Variants in AKAP9 observed in about 807,000 individuals in gnomAD.
AKAP9 encodes the protein A-kinase anchoring protein 9, also known as A-kinase anchor protein 9.
In AKAP9, 311 loss-of-function variants were observed where a neutral mutation model predicts 488.5. The ratio of observed to expected loss-of-function variants is 0.64; its 90% CI spans 0.58 to 0.70. The LOEUF (loss-of-function observed/expected upper bound fraction) is 0.70, where lower values mean the gene tolerates loss of function less well. Ranked by LOEUF, AKAP9 falls within the 30% of genes least tolerant of loss-of-function variation. The pLI is 0.00. For missense variants in AKAP9, 4,215 were observed against 4,374.5 expected (o/e 0.96, Z 1.03); for synonymous variants, 1,462 against 1,483.5 (o/e 0.99, Z 0.33).
Position 92,086,427 on chromosome 7 carries a change from AC to A in AKAP9, c.9213+12del. ...AGAATACAAGAACAGGTATAATGAA[AC>A]TTCATTTTAAAAACACTTTAATAGA... is the stretch of plus-strand genomic sequence containing the variant. On this transcript the variant is annotated intron_variant, in intron 37 of 49. Transcript: ENST00000356239. 1 of 1,601,184 alleles carries A rather than the reference AC, an allele frequency of 6.2e-7. No individual in the cohort carries two copies. The highest frequency in any genetic ancestry group is 8.6e-7 in the Non-Finnish European group (1 of 1,168,412).
At chr7:92,040,571 G>A in intron 17 of AKAP9, 103 bp from the exon 18 acceptor site, 1 of 781,716 alleles carries the variant, frequency 1.3e-6, no homozygotes, top group Admixed American at 2.6e-5. Context: ...TATGGGATAA[G>A]GAATAGAATT....
At chr7:91,943,768 C>G (rs139030046) in intron 1 of AKAP9, among the ~76,000 whole-genome samples, 17 of 152,284 alleles carry the variant, frequency 1.1e-4, no homozygotes, top group African/African-American at 4.1e-4. Flanking sequence ...TTTCCTAGCA[C>G]GGTTGTAATT....
At chr7:92,060,474 A>G (rs2130819628) in intron 22 of AKAP9, among the ~76,000 whole-genome samples, 1 of 152,294 alleles carries the variant, frequency 6.6e-6, no homozygotes, top group South Asian at 2.1e-4. Flanking sequence ...TCAGAAAACT[A>G]AGGCAGAGAC....
intron 14 of AKAP9, among the ~76,000 whole-genome samples, chr7:92,026,929 C>T (rs1210044386): frequency 3.4e-5 from 5 of 149,088 alleles, no homozygotes; most frequent in African/African-American, 9.9e-5. Flanking sequence ...ATGTGGGGAG[C>T]GCCTCTGCCC....
intron 13 of AKAP9, 100 bp from the exon 14 acceptor site, chr7:92,022,714 T>C (rs1802490594): frequency 3.6e-6 from 3 of 843,732 alleles, no homozygotes; most frequent in Non-Finnish European, 5.5e-6. Context: ...AAACATACTT[T>C]TTCAAAAAAG....
intron 1 of AKAP9, among the ~76,000 whole-genome samples, chr7:91,968,042 G>A (rs532470980): frequency 1.8e-4 from 27 of 151,970 alleles, no homozygotes; most frequent in Non-Finnish European, 3.4e-4. Context: ...GGCTCAAGCC[G>A]TCTTCCCATG....
rs1336731619 is a variant in AKAP9, at chr7:92,002,527, C to T, written c.2610C>T (p.Cys870=). 3 of 1,610,150 alleles carry T rather than the reference C, an allele frequency of 1.9e-6. No individual in the cohort carries two copies. The highest frequency in any genetic ancestry group is 1.1e-5 in the South Asian group (1 of 90,066). ...NYQELQEEYA[C]LLKVKDDLED... ...AAGAGTTACAAGAGGAGTATGCTTG[C>T]CTTCTCAAAGTAAAAGATGATTTAG... The change falls in exon 8 of 50, where the codon TGC becomes TGT. Residue 870 remains cysteine (C), a synonymous_variant. Transcript: ENST00000356239.
At position 91,945,990 on chromosome 7, in the gene AKAP9, T is replaced by TA. The variant is rs1003095916; in HGVS notation, c.48+4849dup. On this transcript the variant is annotated intron_variant, in intron 1 of 49. Coordinates refer to ENST00000356239, the MANE Select transcript of AKAP9 (RefSeq NM_005751.5). The stretch of plus-strand genomic sequence containing the variant: ...ATGGGCATTATTTGCTGAATAATTA[T>TA]AAAAAACTACTGTCTATTATATTCA... 6.6e-5 allele frequency among the ~76,000 whole-genome samples: 10 copies of TA among 152,240 alleles called. 1 individual carries two copies. Among genetic ancestry groups the TA allele is most frequent in the Admixed American group, 2.6e-4 (4 of 15,280 alleles).
At chr7:92,091,661 G>A (rs950820258) in intron 38 of AKAP9, among the ~76,000 whole-genome samples, 18 of 149,746 alleles carry the variant, frequency 1.2e-4, no homozygotes, top group Non-Finnish European at 2.5e-4. Flanking sequence ...AAAAAAAGCA[G>A]GTTAAAATTA....
chr7:92,102,491 C>CTACA, intron 45 of AKAP9, 103 bp from the exon 46 acceptor site: 1 of 656,632 alleles, frequency 1.5e-6, no homozygotes, highest in Non-Finnish European at 2.6e-6. Flanking sequence ...CTACTACTAC[C>CTACA]ACCACCACCA....
At chr7:92,046,923 TTTGTTG>T (rs1466630619) in intron 21 of AKAP9, among the ~76,000 whole-genome samples, 2 of 152,222 alleles carry the variant, frequency 1.3e-5, no homozygotes, top group African/African-American at 4.8e-5. Flanking sequence ...ATTTTGTGCT[TTTGTTG>T]TTGTTGTTAG....
At chr7:91,949,043 G>A (rs1467271796) in intron 1 of AKAP9, among the ~76,000 whole-genome samples, 7 of 152,100 alleles carry the variant, frequency 4.6e-5, no homozygotes, top group Non-Finnish European at 7.3e-5. Flanking sequence ...GAGCCACTGC[G>A]CCTAGCCCAT....
chr7:92,010,367 A>C (rs542858825), intron 8 of AKAP9, among the ~76,000 whole-genome samples: 5 of 152,368 alleles, frequency 3.3e-5, no homozygotes, highest in East Asian at 3.9e-4. Flanking sequence ...GGGTGACCAG[A>C]TAATTACCCA....
intron 2 of AKAP9, among the ~76,000 whole-genome samples, chr7:91,975,966 A>G (rs1795634300): frequency 7.4e-6 from 1 of 135,388 alleles, no homozygotes; most frequent in Admixed American, 7.8e-5. Flanking sequence ...TTGACTTTGC[A>G]CTCCACTGCT....
intron 44 of AKAP9, 132 bp from the exon 45 acceptor site, chr7:92,100,724 T>G: frequency 8.5e-5 from 81 of 956,530 alleles, no homozygotes; most frequent in Non-Finnish European, 1.1e-4. Flanking sequence ...TAATGTCAAT[T>G]GAGATTGGCT....
Position 91,940,883 on chromosome 7 carries a change from T to TGGC in AKAP9, c.-202_-200dup, listed in dbSNP as rs371245265. On this transcript the variant is annotated 5_prime_UTR_variant, in exon 1 of 50. Transcript: ENST00000356239. ...CCGTGTGTTTACGTGGAGACGAAGATGGCGGCGGCGGCGGCGGTGACGGCG... is the reference window on the plus strand; with the variant it reads ...CCGTGTGTTTACGTGGAGACGAAGATGGCGGCGGCGGCGGCGGCGGTGACGGCG... 7,052 of 601,768 alleles carry TGGC rather than the reference T, an allele frequency of 0.012. 62 individuals carry two copies. The highest frequency in any genetic ancestry group is 0.013 in the Non-Finnish European group (4,474 of 334,918). The allele number at this position is 601,768 out of a possible 1,614,324, so 37.3% of individuals were successfully genotyped here. A position where few individuals can be genotyped will look rare whatever the true frequency, so the allele number is the denominator to read the frequency against.
Position 92,098,217 on chromosome 7 carries a change from A to G in AKAP9, c.10713+3A>G, listed in dbSNP as rs1361770634. Reference sequence around the variant, plus strand: ...TAACTGGCCAGCAAGGTGAAGAGGTAATACTTTTTAAAAGTTATTTCTGAA... The same window carrying G: ...TAACTGGCCAGCAAGGTGAAGAGGTGATACTTTTTAAAAGTTATTTCTGAA... On this transcript the variant is annotated splice_donor_region_variant and intron_variant, in intron 43 of 49. Transcript: ENST00000356239. 1 of 1,568,132 alleles carries G rather than the reference A, an allele frequency of 6.4e-7. No homozygotes were observed. Among genetic ancestry groups the G allele is most frequent in the Non-Finnish European group, 8.8e-7 (1 of 1,139,022 alleles).
intron 10 of AKAP9, among the ~76,000 whole-genome samples, chr7:92,014,595 C>T (rs1490109272): frequency 6.6e-6 from 1 of 152,118 alleles, no homozygotes; most frequent in Non-Finnish European, 1.5e-5. Flanking sequence ...TGCTACTGCA[C>T]TCCAGCCTGG....
chr7:92,084,513 A>G (rs1814158891), intron 33 of AKAP9, 127 bp from the exon 34 acceptor site: 2 of 670,650 alleles, frequency 3.0e-6, no homozygotes, highest in African/African-American at 1.9e-5. Flanking sequence ...ACCATGAATA[A>G]TTTCATTTAT....
Sources: allele counts gnomAD v4.1 joint callset (sites outside exome capture counted in the v4.1 genomes callset), GRCh38; gene constraint gnomAD v4.1.1; transcripts MANE v1.5; gene names NCBI Gene and HGNC (gene_info 2026-07-23, HGNC 2026-07-21).